The following SLC6A11 variants were observed in gnomAD, a reference collection of about 807,000 sequenced individuals.
SLC6A11 encodes solute carrier family 6 member 11, also known as sodium- and chloride-dependent GABA transporter 3.
Under a neutral mutation model 74.8 loss-of-function variants are expected in SLC6A11, and 25 were observed. That is an observed-to-expected ratio of 0.33 (90% CI 0.24 to 0.47). SLC6A11 has a LOEUF of 0.47. Ranked by LOEUF, SLC6A11 falls within the 20% of genes least tolerant of loss-of-function variation. The pLI is 1.00. For missense variants in SLC6A11, 574 were observed against 837.0 expected (o/e 0.69, Z 3.88); for synonymous variants, 330 against 330.2 (o/e 1.00, Z 0.01).
At chr3:10,916,492 C>T (rs1368038701) in intron 7 of SLC6A11, among the ~76,000 whole-genome samples, 5 of 152,222 alleles carry the variant, frequency 3.3e-5, no homozygotes, top group Admixed American at 2.0e-4. Context: ...AGGTCCAAGC[C>T]AGGCTCAAGT....
chr3:10,931,592 G>A (rs1391973896), intron 10 of SLC6A11, among the ~76,000 whole-genome samples: 1 of 152,146 alleles, frequency 6.6e-6, no homozygotes, highest in Non-Finnish European at 1.5e-5. Flanking sequence ...ACACGAAGTT[G>A]CCAACAATTA....
At position 10,929,324 on chromosome 3, in the gene SLC6A11, C is replaced by T. The variant is rs758525371; in HGVS notation, c.1356C>T (p.Leu452=). ...ALSVISYFLG[L]VMLTEGGMYI... ...CTGTTATCTCCTATTTTCTGGGCCT[C>T]GTGATGTTAACAGAGGTGAGTGGCA... Residue 452 remains leucine (L), a synonymous_variant, in exon 10 of 14, where the codon CTC becomes CTT. Transcript: ENST00000254488. The T allele has an allele frequency of 9.3e-6, 15 of 1,613,904 alleles. No individual in the cohort carries two copies. The Admixed American group carries it at 1.2e-4, about 13-fold the overall frequency.
At position 10,885,407 on chromosome 3, in the gene SLC6A11, A is replaced by G. The variant is rs565481128; in HGVS notation, c.891+10312A>G. On this transcript the variant is annotated intron_variant, in intron 6 of 13. Coordinates refer to ENST00000254488, the MANE Select transcript of SLC6A11 (RefSeq NM_014229.3). ...TCAGGGCTTGGCTTTAGACTTAATT[A>G]GGATGAGTGTAAAGTCGTTCTGACT... Among the ~76,000 whole-genome samples, 5 of 152,242 alleles carry G rather than the reference A, an allele frequency of 3.3e-5. No homozygotes were observed. In the South Asian group the frequency reaches 1.0e-3, roughly 32 times the overall value.
Position 10,816,877 on chromosome 3 carries a change from C to T in SLC6A11, c.256+356C>T, listed in dbSNP as rs946653796. 6.6e-6 allele frequency among the ~76,000 whole-genome samples: 1 copy of T among 152,224 alleles called. No individual in the cohort carries two copies. Among genetic ancestry groups the T allele is most frequent in the Non-Finnish European group, 1.5e-5 (1 of 68,036 alleles). ...GCCTCAGCTTTCCTAACTGGGAAAA[C>T]GGCCTGTGGGGAAGGGACTCCTGAT... On this transcript the variant is annotated intron_variant, in intron 1 of 13. Transcript: ENST00000254488. The surrounding 1 kb of genome is among the most constrained non-coding windows in gnomAD (Gnocchi z 4.2).
intron 7 of SLC6A11, among the ~76,000 whole-genome samples, chr3:10,916,032 A>G (rs1423902716): frequency 1.3e-5 from 2 of 152,178 alleles, no homozygotes; most frequent in Non-Finnish European, 2.9e-5. Flanking sequence ...AGGTCCTGAA[A>G]GCATCACGTG....
At chr3:10,891,811 G>A (rs939370654) in intron 6 of SLC6A11, among the ~76,000 whole-genome samples, 1 of 152,188 alleles carries the variant, frequency 6.6e-6, no homozygotes, top group Non-Finnish European at 1.5e-5. Flanking sequence ...ACCAGACATG[G>A]AATCAGGTCC....
intron 5 of SLC6A11, among the ~76,000 whole-genome samples, chr3:10,859,365 A>G (rs1694676000): frequency 6.6e-6 from 1 of 152,132 alleles, no homozygotes; most frequent in Non-Finnish European, 1.5e-5. Context: ...GAAATGGAGA[A>G]ATATGGTAGG....
chr3:10,851,371 TCTTTTCAAAGCTCTA>T (rs1036183706), intron 5 of SLC6A11, among the ~76,000 whole-genome samples: 1 of 150,866 alleles, frequency 6.6e-6, no homozygotes, highest in Admixed American at 6.6e-5. Context: ...CTGTTTTTAT[TCTTTTCAAAGCTCTA>T]GGACACCGAG....
chr3:10,874,924 C>A, intron 5 of SLC6A11, 37 bp from the exon 6 acceptor site: 4 of 1,572,046 alleles, frequency 2.5e-6, no homozygotes, highest in Non-Finnish European at 3.5e-6. Flanking sequence ...ATTGCTCTCA[C>A]CCCCTTCTTG....
intron 6 of SLC6A11, among the ~76,000 whole-genome samples, chr3:10,878,147 G>A (rs983841080): frequency 2.1e-4 from 32 of 152,142 alleles, no homozygotes; most frequent in Non-Finnish European, 4.1e-4. Flanking sequence ...ATTCTCCTGG[G>A]ATTCCCTGTG....
rs116713562 is a variant in SLC6A11, at chr3:10,893,740, G to C, written c.892-18350G>C. 4.6e-5 allele frequency among the ~76,000 whole-genome samples: 7 copies of C among 152,196 alleles called. No homozygotes were observed. The East Asian group carries it at 1.4e-3, about 29-fold the overall frequency. ...TTGTGGGTTGGTTCTACCTGCACAT[G>C]CCCACCCCCTGGACTCTACTATGGG... On this transcript the variant is annotated intron_variant, in intron 6 of 13. Transcript: ENST00000254488.
At chr3:10,837,106 G>T (rs764205230) in intron 4 of SLC6A11, among the ~76,000 whole-genome samples, 32 of 152,162 alleles carry the variant, frequency 2.1e-4, no homozygotes, top group Non-Finnish European at 3.5e-4. Flanking sequence ...TTGGGGTGGG[G>T]ACCAAGGAAG....
chr3:10,906,637 T>C (rs1005712381), intron 6 of SLC6A11, among the ~76,000 whole-genome samples: 1 of 152,060 alleles, frequency 6.6e-6, no homozygotes, highest in African/African-American at 2.4e-5. Context: ...TGCAGCAAAT[T>C]TGGGCAGAGG....
intron 6 of SLC6A11, among the ~76,000 whole-genome samples, chr3:10,878,528 C>T (rs1212236940): frequency 2.6e-5 from 4 of 151,620 alleles, no homozygotes; most frequent in Admixed American, 6.6e-5. Flanking sequence ...CCTCAGCCTC[C>T]TGAGTAGCTG....
intron 6 of SLC6A11, among the ~76,000 whole-genome samples, chr3:10,902,993 A>G (rs1311925492): frequency 1.3e-5 from 2 of 152,196 alleles, no homozygotes; most frequent in Non-Finnish European, 2.9e-5. Flanking sequence ...AATACCTGTA[A>G]AGCACTTTCC....
chr3:10,879,993 A>T (rs1694955458), intron 6 of SLC6A11, among the ~76,000 whole-genome samples: 1 of 152,212 alleles, frequency 6.6e-6, no homozygotes, highest in South Asian at 2.1e-4. Flanking sequence ...AAATGTTCAA[A>T]AAATATTTAA....
Position 10,931,390 on chromosome 3 carries a change from G to A in SLC6A11, c.1372-1761G>A, listed in dbSNP as rs1427894267. 5.9e-5 allele frequency among the ~76,000 whole-genome samples: 9 copies of A among 152,156 alleles called. No homozygotes were observed. The East Asian group carries it at 7.7e-4, about 13-fold the overall frequency. Reference sequence around the variant, plus strand: ...ATGATGTTCATGGGAGGAGAGCAACGGGAGGTGGGGGCGGGTCTTAGGTAT... The same window carrying A: ...ATGATGTTCATGGGAGGAGAGCAACAGGAGGTGGGGGCGGGTCTTAGGTAT... On this transcript the variant is annotated intron_variant, in intron 10 of 13. Transcript: ENST00000254488.
intron 5 of SLC6A11, among the ~76,000 whole-genome samples, chr3:10,871,606 C>T (rs192042800): frequency 5.7e-4 from 87 of 152,276 alleles, no homozygotes; most frequent in African/African-American, 2.0e-3. Flanking sequence ...GAAGATCTAT[C>T]ATAGATGCTG....
chr3:10,907,934 G>T (rs1695332146), intron 6 of SLC6A11, among the ~76,000 whole-genome samples: 1 of 152,208 alleles, frequency 6.6e-6, no homozygotes, highest in Non-Finnish European at 1.5e-5. Context: ...GGGGGTGATT[G>T]TTAAATTCAT....
Sources: gnomAD v4.1 joint callset for allele counts (sites outside exome capture counted in the v4.1 genomes callset) on GRCh38, gnomAD v4.1.1 for gene constraint, Gnocchi (gnomAD v3.1) non-coding constraint, MANE v1.5 for transcripts, NCBI Gene and HGNC (gene_info 2026-07-23, HGNC 2026-07-21) for gene names.